LRMDA: variants seen among roughly 807,000 people sequenced by gnomAD.
LRMDA encodes leucine rich melanocyte differentiation associated.
In LRMDA, 18 loss-of-function variants were observed where a neutral mutation model predicts 29.8. The observed-to-expected ratio is 0.60, with a 90% CI of 0.42 to 0.90. The LOEUF is 0.90. LRMDA is among the 40% of genes least tolerant of loss of function. The probability of loss-of-function intolerance (pLI) is 0.00; values close to 1 mark genes in which losing one functional copy is unlikely to be tolerated. For synonymous variants in LRMDA, 125 were observed against 109.4 expected (o/e 1.14, Z -0.89); for missense variants, 273 against 273.9 (o/e 1.00, Z 0.02).
chr10:76,467,698 G>A (rs959727699), intron 6 of LRMDA, among the ~76,000 whole-genome samples: 2 of 152,174 alleles, frequency 1.3e-5, no homozygotes, highest in African/African-American at 4.8e-5. Context: ...CTCCTGGGAT[G>A]CTATGATTTT....
intron 2 of LRMDA, among the ~76,000 whole-genome samples, chr10:76,024,518 G>C (rs576778114): frequency 6.6e-6 from 1 of 152,208 alleles, no homozygotes; most frequent in Non-Finnish European, 1.5e-5. Flanking sequence ...CTTCTTTCCT[G>C]CTGGAGACAT....
intron 5 of LRMDA, among the ~76,000 whole-genome samples, chr10:76,213,810 G>C (rs115670992): frequency 1.3e-5 from 2 of 152,174 alleles, no homozygotes; most frequent in Admixed American, 6.5e-5. Context: ...TCACTGGGGG[G>C]ACATCATTGG....
intron 2 of LRMDA, among the ~76,000 whole-genome samples, chr10:75,670,514 C>T (rs769602899): frequency 8.5e-5 from 13 of 152,104 alleles, no homozygotes; most frequent in Non-Finnish European, 1.3e-4. Flanking sequence ...GAAGCAGGCT[C>T]GCTAGATGAG....
intron 5 of LRMDA, among the ~76,000 whole-genome samples, chr10:76,212,201 TA>T (rs1361477681): frequency 3.3e-5 from 5 of 150,620 alleles, no homozygotes; most frequent in African/African-American, 1.2e-4. Context: ...GATTTTGCAC[TA>T]CAGATTTTTC....
chr10:75,483,408 C>G (rs1202450072), intron 2 of LRMDA, among the ~76,000 whole-genome samples: 3 of 152,010 alleles, frequency 2.0e-5, no homozygotes, highest in African/African-American at 4.8e-5. Context: ...ACAAAAATAC[C>G]CATAGAATTT....
intron 2 of LRMDA, among the ~76,000 whole-genome samples, chr10:76,030,051 A>G (rs1848123717): frequency 6.6e-6 from 1 of 152,124 alleles, no homozygotes; most frequent in Non-Finnish European, 1.5e-5. Context: ...TCACACCATC[A>G]TGCCAGGCTA....
At chr10:76,007,200 C>T (rs1554840222) in intron 2 of LRMDA, among the ~76,000 whole-genome samples, 1 of 151,994 alleles carries the variant, frequency 6.6e-6, no homozygotes, top group Non-Finnish European at 1.5e-5. Context: ...TAAAATAAAC[C>T]TCAGGCCATT....
At chr10:76,260,437 A>T (rs1403854961) in intron 5 of LRMDA, among the ~76,000 whole-genome samples, 1 of 152,122 alleles carries the variant, frequency 6.6e-6, no homozygotes, top group Non-Finnish European at 1.5e-5. Context: ...CTTAATTTCT[A>T]AAGGATAGCT....
intron 2 of LRMDA, among the ~76,000 whole-genome samples, chr10:75,753,369 G>A (rs1297148464): frequency 6.6e-6 from 1 of 152,166 alleles, no homozygotes; most frequent in Non-Finnish European, 1.5e-5. Context: ...ATTTCCTATG[G>A]TTCTAATAAA....
intron 5 of LRMDA, among the ~76,000 whole-genome samples, chr10:76,123,729 G>A (rs1402953525): frequency 1.3e-5 from 2 of 152,218 alleles, no homozygotes; most frequent in African/African-American, 4.8e-5. Flanking sequence ...ATGTGAGGCA[G>A]CATTCTGCAG....
At chr10:75,846,170 T>C (rs547316020) in intron 2 of LRMDA, among the ~76,000 whole-genome samples, 56 of 119,040 alleles carry the variant, frequency 4.7e-4, no homozygotes, top group Admixed American at 3.1e-3. Context: ...CTTATTTGTG[T>C]GTGTGTTTGT....
intron 2 of LRMDA, among the ~76,000 whole-genome samples, chr10:75,498,730 T>C (rs1267836060): frequency 5.9e-5 from 9 of 151,954 alleles, no homozygotes; most frequent in Non-Finnish European, 1.3e-4. Flanking sequence ...TGCAAATATC[T>C]GAAGGGTATA....
chr10:75,791,870 T>C lies in LRMDA; in HGVS notation c.132-244138T>C, dbSNP rs955418736. Among the ~76,000 whole-genome samples, 28 of 146,762 alleles carry C rather than the reference T, an allele frequency of 1.9e-4. No individual in the cohort carries two copies. The East Asian group carries it at 5.1e-3, about 27-fold the overall frequency. ...GATTCCAGGATCTTTTTTTTTTTTT[T>C]TTTTTTTGAGATGGAGTCTCACTCT... On this transcript the variant is annotated intron_variant, in intron 2 of 6. Transcript: ENST00000611255.
intron 2 of LRMDA, among the ~76,000 whole-genome samples, chr10:75,572,152 C>T (rs1840445008): frequency 6.6e-6 from 1 of 152,046 alleles, no homozygotes; most frequent in African/African-American, 2.4e-5. Flanking sequence ...CGGGGTTTCA[C>T]CATGTTGGCC....
At chr10:75,866,137 T>C (rs141880982) in intron 2 of LRMDA, among the ~76,000 whole-genome samples, 3 of 152,334 alleles carry the variant, frequency 2.0e-5, no homozygotes, top group East Asian at 1.9e-4. Context: ...ACTCCCCTTA[T>C]TGGGCAACCC....
intron 5 of LRMDA, among the ~76,000 whole-genome samples, chr10:76,191,183 A>T (rs1851238442): frequency 6.6e-6 from 1 of 152,196 alleles, no homozygotes; most frequent in Admixed American, 6.5e-5. Flanking sequence ...GAAATTAATT[A>T]TTCTGTCAGA....
Position 76,240,827 on chromosome 10 carries a change from CACATACATATATAT to C in LRMDA, c.517-83573_517-83560del, listed in dbSNP as rs1352756199. On this transcript the variant is annotated intron_variant, in intron 5 of 6. Coordinates refer to ENST00000611255, the MANE Select transcript of LRMDA (RefSeq NM_001305581.2). The stretch of plus-strand genomic sequence containing the variant: ...ATACACATATATATGTATATATATA[CACATACATATATAT>C]GTGTGTATATATATATATACATATA... Among the ~76,000 whole-genome samples the C allele has an allele frequency of 9.6e-3, 206 of 21,382 alleles. 3 individuals are homozygous for C. Among genetic ancestry groups the C allele is most frequent in the East Asian group, 0.043 (39 of 900 alleles). The allele number at this position is 21,382 out of a possible 152,430, so 14.0% of individuals were successfully genotyped here.
intron 2 of LRMDA, among the ~76,000 whole-genome samples, chr10:75,753,138 G>C (rs189702491): frequency 3.3e-5 from 5 of 152,184 alleles, no homozygotes; most frequent in African/African-American, 7.2e-5. Flanking sequence ...ATAATCTGAA[G>C]GTACCCTGTT....
intron 5 of LRMDA, among the ~76,000 whole-genome samples, chr10:76,279,731 G>A (rs1012954100): frequency 1.3e-4 from 19 of 151,952 alleles, no homozygotes; most frequent in Admixed American, 9.2e-4. Flanking sequence ...ATTTTTAGTA[G>A]AGACAGGGTT....
Sources: allele counts gnomAD v4.1 joint callset (sites outside exome capture counted in the v4.1 genomes callset), GRCh38; gene constraint gnomAD v4.1.1; transcripts MANE v1.5; gene names NCBI Gene and HGNC (gene_info 2026-07-23, HGNC 2026-07-21).